Variants in PARD3 observed in about 807,000 individuals in gnomAD.
PARD3 encodes par-3 family cell polarity regulator.
In PARD3, 75 loss-of-function variants were observed where a neutral mutation model predicts 155.4. The ratio of observed to expected loss-of-function variants is 0.48; its 90% CI spans 0.40 to 0.58. The LOEUF is 0.58. Ranked by LOEUF, PARD3 falls within the 20% of genes least tolerant of loss-of-function variation. PARD3 has a pLI of 0.00. For missense variants in PARD3, 1,642 were observed against 1,721.7 expected (o/e 0.95, Z 0.82); for synonymous variants, 576 against 610.5 (o/e 0.94, Z 0.83).
chr10:34,329,848 C>A (rs556947640), intron 19 of PARD3, among the ~76,000 whole-genome samples: 2 of 152,284 alleles, frequency 1.3e-5, no homozygotes, highest in South Asian at 2.1e-4. Context: ...CAGAAATATT[C>A]ATCTTCCCAA....
intron 2 of PARD3, among the ~76,000 whole-genome samples, chr10:34,624,499 C>T (rs1040328217): frequency 2.0e-5 from 3 of 152,204 alleles, no homozygotes; most frequent in African/African-American, 7.2e-5. Context: ...TGAGCCGTGT[C>T]ACTTCAGGGT....
At chr10:34,775,264 T>G (rs1191653751) in intron 1 of PARD3, among the ~76,000 whole-genome samples, 1 of 152,104 alleles carries the variant, frequency 6.6e-6, no homozygotes, top group East Asian at 1.9e-4. Context: ...ACACCTGTAA[T>G]CCCAACAGTT....
chr10:34,111,714 G>T, intron 24 of PARD3, 152 bp from the exon 25 acceptor site: 1 of 667,480 alleles, frequency 1.5e-6, no homozygotes, highest in Non-Finnish European at 2.5e-6. Flanking sequence ...AGGGGCTGGA[G>T]AATTCAAAAA....
At chr10:34,741,574 G>A (rs2095018869) in intron 1 of PARD3, among the ~76,000 whole-genome samples, 1 of 152,178 alleles carries the variant, frequency 6.6e-6, no homozygotes, top group Non-Finnish European at 1.5e-5. Context: ...ACCAATCCAT[G>A]CAGAAGCGAC....
chr10:34,114,773 G>A (rs1946574297), intron 24 of PARD3, among the ~76,000 whole-genome samples: 1 of 152,254 alleles, frequency 6.6e-6, no homozygotes, highest in African/African-American at 2.4e-5. Flanking sequence ...GCACACTGCT[G>A]CAGAGATCAG....
intron 22 of PARD3, among the ~76,000 whole-genome samples, chr10:34,174,464 C>A (rs951450287): frequency 6.6e-6 from 1 of 152,132 alleles, no homozygotes; most frequent in Non-Finnish European, 1.5e-5. Context: ...TTGTGTTACA[C>A]ATTGAAGGTC....
intron 22 of PARD3, among the ~76,000 whole-genome samples, chr10:34,266,828 G>A (rs1955336128): frequency 1.3e-5 from 2 of 152,190 alleles, no homozygotes; most frequent in Admixed American, 6.5e-5. Flanking sequence ...TCCAGAAACA[G>A]AGGCTGTTCT....
intron 1 of PARD3, among the ~76,000 whole-genome samples, chr10:34,807,151 C>T (rs1330742912): frequency 6.6e-6 from 1 of 152,136 alleles, no homozygotes; most frequent in Non-Finnish European, 1.5e-5. Context: ...GGAGGCTCAG[C>T]AGCCAGGAGC....
chr10:34,120,143 A>G (rs1368540117), intron 23 of PARD3, among the ~76,000 whole-genome samples: 1 of 145,994 alleles, frequency 6.8e-6, no homozygotes, highest in East Asian at 2.0e-4. Context: ...CAGTCTCCCG[A>G]GTAACCGGGA....
At chr10:34,715,191 C>G (rs969202419) in intron 1 of PARD3, among the ~76,000 whole-genome samples, 5 of 152,018 alleles carry the variant, frequency 3.3e-5, no homozygotes, top group African/African-American at 1.2e-4. Context: ...AACCCACCTG[C>G]CTCAGCCTTC....
At chr10:34,766,617 C>CAAAAAAAA (rs34958448) in intron 1 of PARD3, among the ~76,000 whole-genome samples, 3 of 81,786 alleles carry the variant, frequency 3.7e-5, no homozygotes, top group Admixed American at 1.4e-4. Context: ...ACTTAATTGA[C>CAAAAAAAA]AAAAAAAAAA....
At chr10:34,112,167 A>G (rs1228101803) in intron 24 of PARD3, among the ~76,000 whole-genome samples, 1 of 152,246 alleles carries the variant, frequency 6.6e-6, no homozygotes, top group Non-Finnish European at 1.5e-5. Context: ...TCAGCAACTT[A>G]CACTCTCCGG....
intron 21 of PARD3, among the ~76,000 whole-genome samples, chr10:34,283,390 T>C (rs2133929549): frequency 6.6e-6 from 1 of 152,290 alleles, no homozygotes; most frequent in East Asian, 1.9e-4. Flanking sequence ...AAGCTCACTG[T>C]GAACCTGTAA....
At chr10:34,748,369 C>T (rs1269606329) in intron 1 of PARD3, among the ~76,000 whole-genome samples, 1 of 152,076 alleles carries the variant, frequency 6.6e-6, no homozygotes, top group Admixed American at 6.6e-5. Context: ...ACTCGGGAGG[C>T]TGAGGCACAA....
At chr10:34,436,456 G>A (rs1240497688) in intron 5 of PARD3, among the ~76,000 whole-genome samples, 2 of 152,178 alleles carry the variant, frequency 1.3e-5, no homozygotes, top group African/African-American at 4.8e-5. Context: ...CACAATGTGA[G>A]GTGATAGAGT....
At chr10:34,212,194 C>A (rs889088127) in intron 22 of PARD3, among the ~76,000 whole-genome samples, 2 of 152,120 alleles carry the variant, frequency 1.3e-5, no homozygotes, top group Non-Finnish European at 2.9e-5. Flanking sequence ...TCAACACTTA[C>A]CATCATGACT....
intron 2 of PARD3, among the ~76,000 whole-genome samples, chr10:34,573,378 A>G (rs927882646): frequency 2.0e-5 from 3 of 151,988 alleles, no homozygotes; most frequent in Non-Finnish European, 2.9e-5. Flanking sequence ...AAGAATTTCA[A>G]GAATGTATTA....
chr10:34,168,994 A>G (rs1949664687), intron 22 of PARD3, among the ~76,000 whole-genome samples: 1 of 152,262 alleles, frequency 6.6e-6, no homozygotes, highest in African/African-American at 2.4e-5. Flanking sequence ...AATGTAGAGT[A>G]CAGAATCTTC....
Position 34,397,055 on chromosome 10 carries a change from G to T in PARD3, c.890+2275C>A, listed in dbSNP as rs113476385. Among the ~76,000 whole-genome samples the T allele has an allele frequency of 4.9e-3, 747 of 152,294 alleles. 4 individuals are homozygous for T. Among genetic ancestry groups the T allele is most frequent in the African/African-American group, 0.017 (715 of 41,558 alleles). ...CCGTCTAGACTGCAAATCTCTGGAG[G>T]AAGAACATATTCCGTTCATCTTTGT... On this transcript the variant is annotated intron_variant, in intron 7 of 24. Coordinates refer to ENST00000374788, the MANE Select transcript of PARD3 (RefSeq NM_001184785.2).
Sources: gnomAD v4.1 joint callset for allele counts (sites outside exome capture counted in the v4.1 genomes callset) on GRCh38, gnomAD v4.1.1 for gene constraint, MANE v1.5 for transcripts, NCBI Gene and HGNC (gene_info 2026-07-23, HGNC 2026-07-21) for gene names.